Variants in IGF2R observed in about 807,000 individuals in gnomAD.
The protein encoded by IGF2R is insulin like growth factor 2 receptor, also known as cation-independent mannose-6-phosphate receptor.
Under a neutral mutation model 270.6 loss-of-function variants are expected in IGF2R, and 91 were observed. The observed-to-expected ratio is 0.34, with a 90% CI of 0.28 to 0.40. The LOEUF (loss-of-function observed/expected upper bound fraction) is 0.40, where lower values mean the gene tolerates loss of function less well. IGF2R is among the 10% of genes least tolerant of loss of function. IGF2R has a pLI of 1.00. For synonymous variants in IGF2R, 1,316 were observed against 1,258.9 expected, an observed-to-expected ratio of 1.05 and a Z score of -0.96; for missense variants, 2,805 against 3,188.3, an observed-to-expected ratio of 0.88 and a Z score of 2.90.
chr6:159,992,637 C>CAA (rs1562335355), intron 2 of IGF2R, among the ~76,000 whole-genome samples: 56 of 151,944 alleles, frequency 3.7e-4, no homozygotes, highest in African/African-American at 1.2e-3. Flanking sequence ...CACAAACACA[C>CAA]ACCACATTTT....
At chr6:160,042,719 A>G (rs1304429333) in intron 11 of IGF2R, among the ~76,000 whole-genome samples, 5 of 152,200 alleles carry the variant, frequency 3.3e-5, no homozygotes, top group African/African-American at 1.2e-4. Context: ...TTAGCTTCAC[A>G]GGCCTTCACA....
Position 160,088,136 on chromosome 6 carries a change from T to C in IGF2R, c.6309T>C (p.Pro2103=), listed in dbSNP as rs745541383. ...ELTCTKTVGR[P]AFKRFDIDSC... Reference sequence around the variant, plus strand: ...CCTGTACAAAGACGGTGGGCAGACCTGCATTCAAGAGGTCAGGAGACTGGG... The same window carrying C: ...CCTGTACAAAGACGGTGGGCAGACCCGCATTCAAGAGGTCAGGAGACTGGG... The change falls in exon 42 of 48, where the codon CCT becomes CCC. Residue 2103 remains proline (P), a synonymous_variant. Coordinates refer to ENST00000356956, the MANE Select transcript of IGF2R (RefSeq NM_000876.4). The C allele has an allele frequency of 1.2e-6, 2 of 1,600,998 alleles. No homozygotes were observed. Among genetic ancestry groups the C allele is most frequent in the East Asian group, 2.2e-5 (1 of 44,830 alleles).
At chr6:160,022,821 A>C (rs1317585347) in intron 4 of IGF2R, among the ~76,000 whole-genome samples, 3 of 152,204 alleles carry the variant, frequency 2.0e-5, no homozygotes, top group African/African-American at 7.2e-5. Context: ...AAGAGGCCTT[A>C]CTAAGGGCGA....
intron 36 of IGF2R, among the ~76,000 whole-genome samples, chr6:160,077,773 A>G (rs531033601): frequency 9.2e-5 from 14 of 152,356 alleles, no homozygotes; most frequent in African/African-American, 3.1e-4. Context: ...TGATTCTACA[A>G]TACTTGGCCT....
At chr6:159,993,257 T>A (rs2115185195) in intron 2 of IGF2R, among the ~76,000 whole-genome samples, 1 of 152,320 alleles carries the variant, frequency 6.6e-6, no homozygotes, top group South Asian at 2.1e-4. Flanking sequence ...TACTTGGCTA[T>A]TTTTGTTTTG....
At position 160,061,860 on chromosome 6, in the gene IGF2R, G is replaced by A. The variant is rs1404082675; in HGVS notation, c.3514G>A (p.Val1172Ile). 1.2e-6 allele frequency: 2 copies of A among 1,614,188 alleles called. No homozygotes were observed. The highest frequency in any genetic ancestry group is 1.7e-5 in the Admixed American group (1 of 60,020). Residue 1172 changes from valine (V) to isoleucine (I), a missense_variant, in exon 25 of 48, where the codon GTC (valine) becomes ATC (isoleucine). Coordinates refer to ENST00000356956, the MANE Select transcript of IGF2R (RefSeq NM_000876.4). The part of the protein sequence containing the change: ...AANGSLSIMY[V>I]NGDKCGNQRF... ...GAATGGATCTTTGAGCATCATGTAT[G>A]TCAACGGTGACAAGTGTGGGAACCA... is the stretch of plus-strand genomic sequence containing the variant.
At chr6:159,980,655 A>T (rs1783785494) in intron 1 of IGF2R, among the ~76,000 whole-genome samples, 1 of 152,214 alleles carries the variant, frequency 6.6e-6, no homozygotes, top group African/African-American at 2.4e-5. Flanking sequence ...ATCATGGGCC[A>T]GCCAGCTGAG....
At position 159,998,339 on chromosome 6, in the gene IGF2R, A is replaced by G. The variant is rs1784082258; in HGVS notation, c.289+7016A>G. On this transcript the variant is annotated intron_variant, in intron 2 of 47. Transcript: ENST00000356956. This position sits in a 1 kb window ranked among gnomAD's most constrained non-coding sequence, Gnocchi z 4.1. ...TGCCAGATGGAGGCAACTTACTTGA[A>G]GGATAATTTGTGAGCTTGGCCTCAC... Among the ~76,000 whole-genome samples the G allele has an allele frequency of 6.6e-6, 1 of 152,234 alleles. No individual in the cohort carries two copies. The highest frequency in any genetic ancestry group is 6.5e-5 in the Admixed American group (1 of 15,286).
rs146616257 is a variant in IGF2R at position 159,987,682 on chromosome 6, G to A, written c.150-3502G>A. Among the ~76,000 whole-genome samples, 457 of 152,358 alleles carry A rather than the reference G, an allele frequency of 3.0e-3. 1 individual carries two copies. The highest frequency in any genetic ancestry group is 0.01 in the African/African-American group (421 of 41,580). On this transcript the variant is annotated intron_variant, in intron 1 of 47. Coordinates refer to ENST00000356956, the MANE Select transcript of IGF2R (RefSeq NM_000876.4). ...TGGGATTACAGGCATGAGGCACCAC[G>A]CCCTGCCATTAGTTTGTTTTAAAGG...
At chr6:160,071,779 A>T in intron 31 of IGF2R, 131 bp from the exon 32 acceptor site, 1 of 1,232,004 alleles carries the variant, frequency 8.1e-7, no homozygotes, top group Non-Finnish European at 1.2e-6. Context: ...GCCTCATCCC[A>T]CAGGCACATG....
chr6:160,037,629 C>T (rs924603560), intron 10 of IGF2R, among the ~76,000 whole-genome samples: 5 of 151,932 alleles, frequency 3.3e-5, no homozygotes, highest in East Asian at 1.9e-4. Context: ...TGTTGTAAAG[C>T]GATGCTTTAT....
chr6:160,040,745 C>CG, intron 11 of IGF2R, 21 bp downstream of exon 11: 1 of 1,602,942 alleles, frequency 6.2e-7, no homozygotes, highest in Non-Finnish European at 8.5e-7. Flanking sequence ...CCTTGCCATG[C>CG]GGGTCTTAGT....
At chr6:160,079,525 C>T (rs1168544175) in intron 37 of IGF2R, 55 bp from the exon 38 acceptor site, 5 of 1,283,446 alleles carry the variant, frequency 3.9e-6, no homozygotes, top group South Asian at 2.3e-5. Flanking sequence ...TCTCTCTTCA[C>T]TTTGAGACCT....
chr6:160,027,420 C>T, intron 6 of IGF2R, 106 bp downstream of exon 6: 1 of 1,272,886 alleles, frequency 7.9e-7, no homozygotes, highest in Non-Finnish European at 1.1e-6. Flanking sequence ...GGGATAGTCC[C>T]TGCAGCATTG....
At position 160,068,237 on chromosome 6, in the gene IGF2R, TC is replaced by T; in HGVS notation, c.4116-11del. 4 of 1,614,042 alleles carry T rather than the reference TC, an allele frequency of 2.5e-6. No individual in the cohort carries two copies. Among genetic ancestry groups the T allele is most frequent in the Non-Finnish European group, 2.5e-6 (3 of 1,179,888 alleles). ...ACCAAGCCTAACTAACTGCGGGTTTTCTTCTTTTCAGAGATGGGGCTGGCAA... is the reference window on the plus strand; with the variant it reads ...ACCAAGCCTAACTAACTGCGGGTTTTTTCTTTTCAGAGATGGGGCTGGCAA... On this transcript the variant is annotated splice_polypyrimidine_tract_variant and intron_variant, in intron 29 of 47. Coordinates refer to ENST00000356956, the MANE Select transcript of IGF2R (RefSeq NM_000876.4).
chr6:160,089,643 G>A (rs560074038), intron 43 of IGF2R, among the ~76,000 whole-genome samples: 3 of 152,366 alleles, frequency 2.0e-5, no homozygotes, highest in East Asian at 1.9e-4. Flanking sequence ...CAGACAGGGC[G>A]AGGGCCGTGT....
chr6:159,971,137 G>A (rs563712306), intron 1 of IGF2R, among the ~76,000 whole-genome samples: 1 of 152,330 alleles, frequency 6.6e-6, no homozygotes, highest in Non-Finnish European at 1.5e-5. Context: ...TGTGGTTGAA[G>A]TCTTGGTCTT....
Position 160,085,138 on chromosome 6 carries a change from C to T in IGF2R, c.6205+7C>T. On this transcript the variant is annotated splice_region_variant and intron_variant, in intron 41 of 47. Coordinates refer to ENST00000356956, the MANE Select transcript of IGF2R (RefSeq NM_000876.4). ...CAGAAGCTGGGTGTCATAGGTAAGG[C>T]CTGTGGGTCCTGGTCCTTGGTTCAA... 1 of 1,612,224 alleles carries T rather than the reference C, an allele frequency of 6.2e-7. No individual in the cohort carries two copies. The highest frequency in any genetic ancestry group is 1.1e-5 in the South Asian group (1 of 90,940).
chr6:159,971,054 T>C (rs1783601677), intron 1 of IGF2R, among the ~76,000 whole-genome samples: 1 of 152,220 alleles, frequency 6.6e-6, no homozygotes, highest in South Asian at 2.1e-4. Context: ...CACTCTAGTC[T>C]GGGCGACAGA....
Sources: gnomAD v4.1 joint callset for allele counts (sites outside exome capture counted in the v4.1 genomes callset) on GRCh38, gnomAD v4.1.1 for gene constraint, Gnocchi (gnomAD v3.1) non-coding constraint, MANE v1.5 for transcripts, NCBI Gene and HGNC (gene_info 2026-07-23, HGNC 2026-07-21) for gene names.